LRBA: variants seen among roughly 807,000 people sequenced by gnomAD.
LRBA encodes lipopolysaccharide-responsive and beige-like anchor protein.
A neutral mutation model predicts 330.0 loss-of-function variants in LRBA; 176 were observed. The observed-to-expected ratio is 0.53, with a 90% CI of 0.47 to 0.60. LRBA has a LOEUF of 0.60. Ranked by LOEUF, LRBA falls within the 20% of genes least tolerant of loss-of-function variation. The pLI is 0.00. For missense variants in LRBA, 3,259 were observed against 3,444.8 expected (o/e 0.95, Z 1.35); for synonymous variants, 1,230 against 1,193.0 (o/e 1.03, Z -0.64).
At position 150,534,406 on chromosome 4, in the gene LRBA, A is replaced by G. The variant is rs1442395304; in HGVS notation, c.6331-43371T>C. The stretch of plus-strand genomic sequence containing the variant: ...TTTTTAAAAAAACACTTTTTAGTAC[A>G]TCATCCAGTATTCCTAATATACAAA... On this transcript the variant is annotated intron_variant, in intron 40 of 56. Transcript: ENST00000651943. Among the ~76,000 whole-genome samples the G allele has an allele frequency of 2.0e-5, 3 of 150,572 alleles. No homozygotes were observed. In the South Asian group the frequency reaches 6.2e-4, roughly 31 times the overall value.
At chr4:150,362,933 C>T (rs1379265058) in intron 47 of LRBA, among the ~76,000 whole-genome samples, 3 of 152,010 alleles carry the variant, frequency 2.0e-5, no homozygotes, top group Non-Finnish European at 4.4e-5. Flanking sequence ...GCCTGGGCAA[C>T]ATGATGAATC....
In LRBA at chr4:150,597,059, T is replaced by C. The variant is rs750376778; in HGVS notation, c.6046+1948A>G. 18 of 1,208,984 alleles carry C rather than the reference T, an allele frequency of 1.5e-5. No homozygotes were observed. The South Asian group carries it at 2.6e-4, about 17-fold the overall frequency. The allele number at this position is 1,208,984 out of a possible 1,614,324, so 74.9% of individuals were successfully genotyped here. ...AGTATGACAATAATCATAAAATTAC[T>C]ATAAAATATTACTCAATGCTTACCT... is the stretch of plus-strand genomic sequence containing the variant. On this transcript the variant is annotated intron_variant, in intron 38 of 56. Coordinates refer to ENST00000651943, the MANE Select transcript of LRBA (RefSeq NM_001364905.1).
At chr4:150,759,725 C>T (rs1208744746) in intron 35 of LRBA, among the ~76,000 whole-genome samples, 2 of 151,470 alleles carry the variant, frequency 1.3e-5, no homozygotes, top group African/African-American at 4.8e-5. Context: ...GTACAATCCA[C>T]GAAAAAAAGA....
At chr4:150,744,840 T>C (rs1235431314) in intron 35 of LRBA, among the ~76,000 whole-genome samples, 1 of 152,206 alleles carries the variant, frequency 6.6e-6, no homozygotes, top group East Asian at 1.9e-4. Context: ...AAACAGAATA[T>C]AGTAAAGATA....
intron 17 of LRBA, among the ~76,000 whole-genome samples, chr4:150,891,455 G>T (rs546774223): frequency 6.6e-6 from 1 of 152,282 alleles, no homozygotes; most frequent in Non-Finnish European, 1.5e-5. Flanking sequence ...TTCTTTGAAG[G>T]TATTTTTTGG....
At chr4:150,828,664 T>A in intron 29 of LRBA, 43 bp from the exon 30 acceptor site, 1 of 1,491,592 alleles carries the variant, frequency 6.7e-7, no homozygotes, top group Non-Finnish European at 9.1e-7. Flanking sequence ...AAACAAAAGT[T>A]TAGAACTAAT....
Position 150,489,079 on chromosome 4 carries a change from A to T in LRBA, c.6449-1245T>A, listed in dbSNP as rs535422446. On this transcript the variant is annotated intron_variant, in intron 41 of 56. Coordinates refer to ENST00000651943, the MANE Select transcript of LRBA (RefSeq NM_001364905.1). ...TAAGAATATATAATATATTATATATAATATTATATAAGAATATACAATATA... is the reference window on the plus strand; with the variant it reads ...TAAGAATATATAATATATTATATATTATATTATATAAGAATATACAATATA... Among the ~76,000 whole-genome samples, 628 of 81,968 alleles carry T rather than the reference A, an allele frequency of 7.7e-3. 4 individuals are homozygous for T. The highest frequency in any genetic ancestry group is 0.027 in the African/African-American group (594 of 22,182). The allele number at this position is 81,968 out of a possible 152,430, so 53.8% of individuals were successfully genotyped here. A position where few individuals can be genotyped will look rare whatever the true frequency, so the allele number is the denominator to read the frequency against.
At chr4:150,515,114 T>C (rs1017523331) in intron 40 of LRBA, among the ~76,000 whole-genome samples, 3 of 152,166 alleles carry the variant, frequency 2.0e-5, no homozygotes, top group Non-Finnish European at 4.4e-5. Flanking sequence ...AGGAAAATAA[T>C]AGAGCATTTT....
intron 48 of LRBA, among the ~76,000 whole-genome samples, chr4:150,330,218 T>C (rs1733809256): frequency 6.6e-6 from 1 of 152,158 alleles, no homozygotes; most frequent in Non-Finnish European, 1.5e-5. Context: ...CATCTCTGCC[T>C]TACATTTTCT....
chr4:150,456,553 T>G (rs1392072543), intron 44 of LRBA, among the ~76,000 whole-genome samples: 1 of 152,170 alleles, frequency 6.6e-6, no homozygotes, highest in Non-Finnish European at 1.5e-5. Flanking sequence ...CTGCTTGAGC[T>G]CCTTACATAT....
intron 41 of LRBA, among the ~76,000 whole-genome samples, chr4:150,488,716 G>A (rs1475497824): frequency 1.3e-5 from 2 of 148,632 alleles, no homozygotes; most frequent in Non-Finnish European, 3.0e-5. Flanking sequence ...TCTAGAAGAT[G>A]GTCCTTCTTC....
intron 43 of LRBA, among the ~76,000 whole-genome samples, chr4:150,469,758 G>C (rs1313643134): frequency 2.0e-5 from 3 of 152,108 alleles, no homozygotes; most frequent in Non-Finnish European, 4.4e-5. Context: ...TCTTTGCTAA[G>C]AGTAATTGCT....
chr4:150,648,141 G>A (rs1393544531), intron 37 of LRBA, among the ~76,000 whole-genome samples: 2 of 14,582 alleles, frequency 1.4e-4, no homozygotes, highest in Non-Finnish European at 3.0e-4. Flanking sequence ...CATCAGAAGA[G>A]AAAGGAACAC....
At chr4:150,999,096 C>G (rs1284762473) in intron 2 of LRBA, among the ~76,000 whole-genome samples, 2 of 152,062 alleles carry the variant, frequency 1.3e-5, no homozygotes, top group African/African-American at 4.8e-5. Flanking sequence ...TAGAACTGAG[C>G]TTGAGTTTGC....
intron 37 of LRBA, among the ~76,000 whole-genome samples, chr4:150,680,833 G>A (rs1021461830): frequency 3.3e-5 from 5 of 152,112 alleles, no homozygotes; most frequent in Admixed American, 6.6e-5. Flanking sequence ...AACCACTGCC[G>A]ATCCCAGGCC....
chr4:150,787,908 G>A (rs558262204), intron 34 of LRBA, among the ~76,000 whole-genome samples: 15 of 152,246 alleles, frequency 9.9e-5, no homozygotes, highest in East Asian at 5.8e-4. Flanking sequence ...ACACGGAAGC[G>A]CAAATATCTC....
At chr4:150,914,611 C>T (rs1164766171) in intron 8 of LRBA, among the ~76,000 whole-genome samples, 3 of 152,078 alleles carry the variant, frequency 2.0e-5, no homozygotes, top group Non-Finnish European at 2.9e-5. Flanking sequence ...TGGCAAGTTA[C>T]TTAACCTCTT....
At chr4:150,785,630 T>C (rs1738940198) in intron 34 of LRBA, among the ~76,000 whole-genome samples, 1 of 151,800 alleles carries the variant, frequency 6.6e-6, no homozygotes, top group Non-Finnish European at 1.5e-5. Flanking sequence ...TTAGTTATAA[T>C]TTTGCAAAGG....
At chr4:150,638,535 C>T (rs1178172309) in intron 37 of LRBA, among the ~76,000 whole-genome samples, 1 of 152,094 alleles carries the variant, frequency 6.6e-6, no homozygotes, top group African/African-American at 2.4e-5. Flanking sequence ...TACTTAAGAA[C>T]ACATAAGGAC....
Sources: allele counts gnomAD v4.1 joint callset (sites outside exome capture counted in the v4.1 genomes callset), GRCh38; gene constraint gnomAD v4.1.1; transcripts MANE v1.5; gene names NCBI Gene and HGNC (gene_info 2026-07-23, HGNC 2026-07-21).